The following ADTRP variants were observed in gnomAD, a reference collection of about 807,000 sequenced individuals.
ADTRP encodes androgen-dependent TFPI-regulating protein.
In ADTRP, 20 loss-of-function variants were observed where a neutral mutation model predicts 27.0. The ratio of observed to expected loss-of-function variants is 0.74; its 90% confidence interval spans 0.52 to 1.08. The LOEUF is 1.08. Among genes scored for constraint, ADTRP ranks in the 50% least tolerant of loss-of-function variants. The probability of loss-of-function intolerance (pLI) is 0.00; values close to 1 mark genes in which losing one functional copy is unlikely to be tolerated. For synonymous variants in ADTRP, 101 were observed against 105.2 expected (o/e 0.96, Z 0.25); for missense variants, 251 against 275.0 (o/e 0.91, Z 0.62).
Position 11,714,482 on chromosome 6 carries a change from T to C in ADTRP, c.689A>G (p.Lys230Arg), listed in dbSNP as rs745756404. The C allele has an allele frequency of 1.2e-6, 2 of 1,613,474 alleles. No homozygotes were observed. The highest frequency in any genetic ancestry group is 1.7e-6 in the Non-Finnish European group (2 of 1,179,840). ...TTCTTGGAAAATGGTGTGCAATTAC[T>C]TCCTCTTCTTCCGTGGCTGCCTCAT... ...GDMRQPRKKR[K>R] The change falls in exon 6 of 6, where the codon AAG becomes AGG. Residue 230 changes from lysine (K) to arginine (R), a missense_variant. Coordinates refer to ENST00000414691, the MANE Select transcript of ADTRP (RefSeq NM_032744.4).
chr6:11,769,012 C>G (rs913061928), intron 1 of ADTRP, among the ~76,000 whole-genome samples: 2 of 151,744 alleles, frequency 1.3e-5, no homozygotes, highest in South Asian at 4.2e-4. Flanking sequence ...ATAGAGCAAG[C>G]CATGAGCGCT....
At chr6:11,771,367 G>C (rs185215673) in intron 1 of ADTRP, among the ~76,000 whole-genome samples, 31 of 152,314 alleles carry the variant, frequency 2.0e-4, no homozygotes, top group Admixed American at 1.1e-3. Context: ...GCTCAGGAGG[G>C]AGGCACTAGG....
intron 4 of ADTRP, among the ~76,000 whole-genome samples, chr6:11,732,403 T>C (rs1288488349): frequency 1.3e-5 from 2 of 152,188 alleles, no homozygotes; most frequent in Non-Finnish European, 2.9e-5. Flanking sequence ...AGTGGGCCCA[T>C]AGCCACTTCC....
intron 3 of ADTRP, among the ~76,000 whole-genome samples, chr6:11,738,295 T>G (rs1238238539): frequency 6.6e-6 from 1 of 152,146 alleles, no homozygotes; most frequent in African/African-American, 2.4e-5. Context: ...GGAGTATGGT[T>G]GTCCCTGGGG....
chr6:11,740,882 G>A (rs565551502), intron 3 of ADTRP, among the ~76,000 whole-genome samples: 2 of 152,308 alleles, frequency 1.3e-5, no homozygotes, highest in South Asian at 2.1e-4. Flanking sequence ...AAATGTGCAC[G>A]TAGGCTATAG....
chr6:11,727,587 T>C (rs903608600), intron 4 of ADTRP, among the ~76,000 whole-genome samples: 1 of 152,182 alleles, frequency 6.6e-6, no homozygotes, highest in African/African-American at 2.4e-5. Flanking sequence ...AGATAGTCTA[T>C]AAATAAGGAC....
intron 1 of ADTRP, among the ~76,000 whole-genome samples, chr6:11,775,463 G>A (rs754094978): frequency 2.0e-5 from 3 of 151,912 alleles, no homozygotes; most frequent in Admixed American, 6.6e-5. Context: ...AGTAAGCAGT[G>A]GGACTGAGGT....
chr6:11,755,190 C>A (rs560852539), intron 3 of ADTRP: 42 of 478,416 alleles, frequency 8.8e-5, no homozygotes, highest in Non-Finnish European at 1.1e-4. Flanking sequence ...TTCCTAGTAA[C>A]TTCTCAGAAG....
chr6:11,721,569 T>G (rs1234247969), intron 5 of ADTRP, among the ~76,000 whole-genome samples: 1 of 152,254 alleles, frequency 6.6e-6, no homozygotes, highest in Non-Finnish European at 1.5e-5. Flanking sequence ...TTAATACATT[T>G]CTGATCTTAT....
At chr6:11,756,070 A>G (rs1249023834) in intron 3 of ADTRP, among the ~76,000 whole-genome samples, 1 of 152,192 alleles carries the variant, frequency 6.6e-6, no homozygotes, top group Non-Finnish European at 1.5e-5. Context: ...GCAAGAGCAG[A>G]TTTTAGAATG....
chr6:11,758,828 G>A lies in ADTRP; in HGVS notation c.390+7446C>T, dbSNP rs561406319. ...GTACATTGAGAAAGTGGGGCAAGGT[G>A]GGGCATTGATTCTGGCTGCAAAAAG... On this transcript the variant is annotated intron_variant, in intron 3 of 5. Transcript: ENST00000414691. 5.9e-5 allele frequency among the ~76,000 whole-genome samples: 9 copies of A among 152,244 alleles called. No individual in the cohort carries two copies. In the South Asian group the frequency reaches 1.9e-3, roughly 32 times the overall value.
intron 3 of ADTRP, among the ~76,000 whole-genome samples, chr6:11,743,151 G>C (rs1287906549): frequency 6.6e-6 from 1 of 152,166 alleles, no homozygotes; most frequent in Non-Finnish European, 1.5e-5. Flanking sequence ...ATGCTTCAGT[G>C]CTTAACAGTA....
rs1255637467 is a variant in ADTRP, at chr6:11,735,675, G to A, written c.399C>T (p.Phe133=). 6.2e-7 allele frequency: 1 copy of A among 1,612,172 alleles called. No individual in the cohort carries two copies. Among genetic ancestry groups the A allele is most frequent in the Admixed American group, 1.7e-5 (1 of 60,002 alleles). The part of the protein sequence containing the change: ...PVWLNHAMHT[F]IFPITLAEVV... ...CTTCAGCCAATGTGATGGGGAATAT[G>A]AAAGTGTGCTGCAGGAGAGAAAATG... is the stretch of plus-strand genomic sequence containing the variant. Residue 133 remains phenylalanine, a synonymous_variant, in exon 4 of 6, where the codon TTC becomes TTT. Transcript: ENST00000414691.
intron 3 of ADTRP, among the ~76,000 whole-genome samples, chr6:11,764,056 T>A (rs1257455330): frequency 2.6e-5 from 4 of 152,236 alleles, no homozygotes; most frequent in African/African-American, 9.6e-5. Context: ...CTTTGACCCT[T>A]GCTCCTTTTC....
At chr6:11,741,203 G>A (rs926638521) in intron 3 of ADTRP, among the ~76,000 whole-genome samples, 1 of 152,124 alleles carries the variant, frequency 6.6e-6, no homozygotes, top group Non-Finnish European at 1.5e-5. Context: ...CAAGTTATAT[G>A]GCAAGGAGTA....
intron 3 of ADTRP, among the ~76,000 whole-genome samples, chr6:11,744,604 C>G (rs867182414): frequency 6.6e-6 from 1 of 152,136 alleles, no homozygotes; most frequent in Admixed American, 6.5e-5. Flanking sequence ...GGTGGAAGGG[C>G]CCCCAGGTTT....
intron 1 of ADTRP, among the ~76,000 whole-genome samples, chr6:11,773,123 C>T (rs573933585): frequency 6.6e-6 from 1 of 152,180 alleles, no homozygotes; most frequent in South Asian, 2.1e-4. Flanking sequence ...CAGTTAGGTA[C>T]AGAAATTGTC....
chr6:11,761,649 G>T (rs1335309422), intron 3 of ADTRP, among the ~76,000 whole-genome samples: 1 of 152,048 alleles, frequency 6.6e-6, no homozygotes, highest in Non-Finnish European at 1.5e-5. Context: ...TTGTCTTTTT[G>T]ATTTGAACTC....
At chr6:11,724,729 T>G (rs955426624) in intron 4 of ADTRP, among the ~76,000 whole-genome samples, 14 of 152,326 alleles carry the variant, frequency 9.2e-5, no homozygotes, top group Middle Eastern at 3.4e-3. Flanking sequence ...TTCATCAACC[T>G]TTCTGTCCCC....
Sources: gnomAD v4.1 joint callset for allele counts (sites outside exome capture counted in the v4.1 genomes callset) on GRCh38, gnomAD v4.1.1 for gene constraint, MANE v1.5 for transcripts, NCBI Gene and HGNC (gene_info 2026-07-23, HGNC 2026-07-21) for gene names.